Variants in DNAJA1 observed in about 807,000 individuals in gnomAD.
DNAJA1 encodes DnaJ heat shock protein family (Hsp40) member A1, also known as dnaJ homolog subfamily A member 1.
Under a neutral mutation model 47.6 loss-of-function variants are expected in DNAJA1, and 26 were observed. The ratio of observed to expected loss-of-function variants is 0.55; its 90% CI spans 0.40 to 0.76. The LOEUF (loss-of-function observed/expected upper bound fraction) is 0.76. Among genes scored for constraint, DNAJA1 ranks in the 30% least tolerant of loss-of-function variants. DNAJA1 has a pLI of 0.00. For synonymous variants in DNAJA1, 165 were observed against 158.4 expected (o/e 1.04, Z -0.31); for missense variants, 315 against 485.0 (o/e 0.65, Z 3.29).
intron 8 of DNAJA1, 56 bp from the exon 9 acceptor site, chr9:33,038,629 T>C: frequency 6.6e-7 from 1 of 1,515,950 alleles, no homozygotes; most frequent in Non-Finnish European, 9.0e-7. Flanking sequence ...GGGTCCATGA[T>C]ACTCTAAGGG....
At chr9:33,035,301 G>A (rs10971354) in intron 6 of DNAJA1, among the ~76,000 whole-genome samples, 10,715 of 151,914 alleles carry the variant, frequency 0.071, 511 homozygotes, top group Non-Finnish European at 0.11. Flanking sequence ...GGCAGAGGTC[G>A]CGGTGAGTTG....
intron 8 of DNAJA1, among the ~76,000 whole-genome samples, chr9:33,038,099 G>A (rs1839063617): frequency 6.6e-6 from 1 of 151,742 alleles, no homozygotes; most frequent in South Asian, 2.1e-4. Flanking sequence ...CCACCTCCTG[G>A]GTTCAAGCAG....
intron 6 of DNAJA1, among the ~76,000 whole-genome samples, chr9:33,034,573 C>T (rs550349565): frequency 6.6e-6 from 1 of 152,230 alleles, no homozygotes; most frequent in South Asian, 2.1e-4. Context: ...TGAACCTAAG[C>T]AGCAGATGGG....
At chr9:33,037,574 C>T (rs753369314) in intron 8 of DNAJA1, among the ~76,000 whole-genome samples, 43 of 152,086 alleles carry the variant, frequency 2.8e-4, no homozygotes, top group African/African-American at 8.4e-4. Flanking sequence ...CCCAGCTACT[C>T]GGGAGGCTGA....
chr9:33,036,498 CAAAA>C (rs1450631086), intron 6 of DNAJA1, 72 bp from the exon 7 acceptor site: 6 of 955,852 alleles, frequency 6.3e-6, no homozygotes, highest in Non-Finnish European at 9.4e-6. Flanking sequence ...TTTTATTAAA[CAAAA>C]AAACAGCCTG....
chr9:33,029,563 A>G (rs2119381892), intron 3 of DNAJA1, among the ~76,000 whole-genome samples: 1 of 152,366 alleles, frequency 6.6e-6, no homozygotes, highest in Admixed American at 6.5e-5. Context: ...TTATTGTGAA[A>G]TGTGCCCTTT....
chr9:33,025,798 C>T (rs1433240967), intron 1 of DNAJA1, among the ~76,000 whole-genome samples: 1 of 152,154 alleles, frequency 6.6e-6, no homozygotes, highest in African/African-American at 2.4e-5. Context: ...CTTTTGGTTT[C>T]GCTTTCTCTG....
At position 33,038,723 on chromosome 9, in the gene DNAJA1, A is replaced by G; in HGVS notation, c.1014A>G (p.Lys338=). ...FPENGFLSPD[K]LSLLEKLLPE... is the part of the protein sequence containing the mutation. ...AGAATGGCTTTCTCTCTCCTGATAA[A>G]CTGTCTTTGCTGGAAAAACTCCTAC... The change falls in exon 9 of 9, where the codon AAA becomes AAG. Residue 338 remains lysine, a synonymous_variant. Transcript: ENST00000330899. 1 of 1,614,184 alleles carries G rather than the reference A, an allele frequency of 6.2e-7. No individual in the cohort carries two copies.
At chr9:33,031,982 A>C (rs1030736420) in intron 5 of DNAJA1, among the ~76,000 whole-genome samples, 1 of 152,212 alleles carries the variant, frequency 6.6e-6, no homozygotes, top group Non-Finnish European at 1.5e-5. Context: ...AATGTATTAC[A>C]GCAATACACT....
At chr9:33,031,841 C>CT (rs897233019) in intron 5 of DNAJA1, among the ~76,000 whole-genome samples, 3 of 152,224 alleles carry the variant, frequency 2.0e-5, no homozygotes, top group East Asian at 1.9e-4. Context: ...TTTTTTTAGA[C>CT]TTGACACTTC....
Position 33,039,356 on chromosome 9 carries a change from T to C in DNAJA1, c.*453T>C, listed in dbSNP as rs1236895172. 1 of 153,882 alleles carries C rather than the reference T, an allele frequency of 6.5e-6. No individual in the cohort carries two copies. The highest frequency in any genetic ancestry group is 2.4e-5 in the African/African-American group (1 of 41,442). The allele number at this position is 153,882 out of a possible 1,614,324, so 9.5% of individuals were successfully genotyped here. On this transcript the variant is annotated 3_prime_UTR_variant, in exon 9 of 9. Transcript: ENST00000330899. ...AGTTCTTTATATTAAGTGGGATTCA[T>C]TGTAATGCCTCTGCATTTATTCTGT...
At position 33,026,904 on chromosome 9, in the gene DNAJA1, G is replaced by T; in HGVS notation, c.224G>T (p.Gly75Val). ...DKGGEQAIKE[G>V]GAGGGFGSPM... ...GGAGGAGAACAGGCAATTAAAGAGG[G>T]TGGAGCAGGTGGCGGTTTTGGCTCC... The change falls in exon 3 of 9, where the codon GGT (glycine) becomes GTT (valine). Residue 75 changes from glycine to valine, a missense_variant. Transcript: ENST00000330899. The T allele has an allele frequency of 6.2e-7, 1 of 1,614,222 alleles. No individual in the cohort carries two copies. Among genetic ancestry groups the T allele is most frequent in the Non-Finnish European group, 8.5e-7 (1 of 1,180,038 alleles).
intron 1 of DNAJA1, among the ~76,000 whole-genome samples, chr9:33,026,040 C>A (rs567438539): frequency 1.3e-5 from 2 of 152,224 alleles, no homozygotes; most frequent in Admixed American, 1.3e-4. Context: ...CACTCCCCCC[C>A]ACCACTGTGT....
chr9:33,025,697 G>GT (rs1478889798), intron 1 of DNAJA1, among the ~76,000 whole-genome samples: 1 of 115,630 alleles, frequency 8.6e-6, no homozygotes, highest in East Asian at 2.2e-4. Flanking sequence ...CTCGCTCGGG[G>GT]TGGGGGGGGG....
At chr9:33,036,439 A>G (rs1839033859) in intron 6 of DNAJA1, 135 bp from the exon 7 acceptor site, 2 of 566,902 alleles carry the variant, frequency 3.5e-6, no homozygotes, top group African/African-American at 3.8e-5. Flanking sequence ...GCTCTGCTTG[A>G]TTTTTACAAT....
chr9:33,028,187 A>T (rs142084343), intron 3 of DNAJA1, among the ~76,000 whole-genome samples: 388 of 152,306 alleles, frequency 2.5e-3, no homozygotes, highest in Admixed American at 4.8e-3. Context: ...CAGAAACCTA[A>T]AACTTCTTCA....
intron 6 of DNAJA1, among the ~76,000 whole-genome samples, chr9:33,034,667 T>C (rs1330692): frequency 0.12 from 18,169 of 152,258 alleles, 1,316 homozygotes; most frequent in South Asian, 0.25. Context: ...CAGTTTTCAA[T>C]CTCATTTATG....
chr9:33,036,704 C>G lies in DNAJA1; in HGVS notation c.874+15C>G, dbSNP rs372144976. The stretch of plus-strand genomic sequence containing the variant: ...CTCTCATCCAGGTATGGGAACTAGG[C>G]AAGCTTAAACTTCTCTTTTCTATTC... On this transcript the variant is annotated intron_variant, in intron 7 of 8. Transcript: ENST00000330899. The G allele has an allele frequency of 6.4e-6, 10 of 1,560,302 alleles. No homozygotes were observed. The African/African-American group carries it at 1.4e-4, about 21-fold the overall frequency.
At chr9:33,038,598 A>G (rs560436704) in intron 8 of DNAJA1, 87 bp from the exon 9 acceptor site, 43 of 1,223,416 alleles carry the variant, frequency 3.5e-5, no homozygotes, top group Non-Finnish European at 1.7e-5. Flanking sequence ...ACGTGTTTAC[A>G]TGTGTTTTTC....
Sources: allele counts gnomAD v4.1 joint callset (sites outside exome capture counted in the v4.1 genomes callset), GRCh38; gene constraint gnomAD v4.1.1; transcripts MANE v1.5; gene names NCBI Gene and HGNC (gene_info 2026-07-23, HGNC 2026-07-21).